The following AFAP1L2 variants were observed in gnomAD, a reference collection of about 807,000 sequenced individuals.
The protein encoded by AFAP1L2 is actin filament associated protein 1 like 2, also known as actin filament-associated protein 1-like 2.
AFAP1L2 carries 46 observed loss-of-function variants against 99.3 expected under a neutral mutation model. The ratio of observed to expected loss-of-function variants is 0.46; its 90% confidence interval spans 0.37 to 0.59. The LOEUF is 0.59. Ranked by LOEUF, AFAP1L2 falls within the 20% of genes least tolerant of loss-of-function variation. AFAP1L2 has a pLI of 0.00. For missense variants in AFAP1L2, 959 were observed against 1,034.9 expected (o/e 0.93, Z 1.01); for synonymous variants, 397 against 419.1 (o/e 0.95, Z 0.64).
intron 5 of AFAP1L2, among the ~76,000 whole-genome samples, chr10:114,321,850 C>T (rs2135159184): frequency 6.6e-6 from 1 of 152,318 alleles, no homozygotes; most frequent in East Asian, 1.9e-4. Context: ...TAGCATGAGC[C>T]CTGCCTACAG....
At position 114,331,908 on chromosome 10, in the gene AFAP1L2, C is replaced by T. The variant is rs763220616; in HGVS notation, c.221-11G>A. 2 of 1,291,412 alleles carry T rather than the reference C, an allele frequency of 1.5e-6. No individual in the cohort carries two copies. Among genetic ancestry groups the T allele is most frequent in the Non-Finnish European group, 2.0e-6 (2 of 1,010,368 alleles). The allele number at this position is 1,291,412 out of a possible 1,614,324, so 80.0% of individuals were successfully genotyped here. On this transcript the variant is annotated splice_polypyrimidine_tract_variant and intron_variant, in intron 3 of 18. Coordinates refer to ENST00000304129, the MANE Select transcript of AFAP1L2 (RefSeq NM_001001936.3). ...CCTGCTCCTCAGGCGCTGCGGGCAGCAAAAGGAAAAGGCTTCGGTGAGGGG... is the reference window on the plus strand; with the variant it reads ...CCTGCTCCTCAGGCGCTGCGGGCAGTAAAAGGAAAAGGCTTCGGTGAGGGG...
intron 5 of AFAP1L2, among the ~76,000 whole-genome samples, chr10:114,317,564 TAAAA>T (rs1195944951): frequency 6.6e-6 from 1 of 152,126 alleles, no homozygotes; most frequent in Non-Finnish European, 1.5e-5. Context: ...ACTAGTTTTT[TAAAA>T]AGAGAAGGGG....
chr10:114,361,439 C>T (rs1369330546), intron 1 of AFAP1L2, among the ~76,000 whole-genome samples: 3 of 152,150 alleles, frequency 2.0e-5, no homozygotes, highest in Non-Finnish European at 4.4e-5. Context: ...GAGATTGTTC[C>T]CAAACTCCGG....
intron 1 of AFAP1L2, among the ~76,000 whole-genome samples, chr10:114,354,808 C>T (rs930735931): frequency 5.3e-5 from 8 of 152,188 alleles, no homozygotes; most frequent in African/African-American, 1.4e-4. Flanking sequence ...GCTAGGGTCC[C>T]TAGGTCCAGC....
Position 114,299,373 on chromosome 10 carries a change from C to G in AFAP1L2, c.2000G>C (p.Arg667Pro). The change falls in exon 16 of 19, where the codon CGG becomes CCG. Residue 667 changes from arginine (R) to proline (P), a missense_variant. Arg to Pro is a moderately radical substitution (Grantham distance 103). Coordinates refer to ENST00000304129, the MANE Select transcript of AFAP1L2 (RefSeq NM_001001936.3). ...GKNRTEAEVK[R>P]YTEEKERLEK... ...AAGCCTCTCCTTCTCCTCTGTGTAC[C>G]GCTTCACCTCAGCTTCTGTCCGATT... is the stretch of plus-strand genomic sequence containing the variant. 1.2e-6 allele frequency: 2 copies of G among 1,614,178 alleles called. No homozygotes were observed. Among genetic ancestry groups the G allele is most frequent in the Non-Finnish European group, 1.7e-6 (2 of 1,180,030 alleles).
chr10:114,363,121 C>T (rs2052681285), intron 1 of AFAP1L2: 1 of 985,306 alleles, frequency 1.0e-6, no homozygotes, highest in Non-Finnish European at 1.2e-6. Flanking sequence ...GCGTCGTCAT[C>T]TTGCAGGAGC....
At chr10:114,301,529 C>G (rs1564790876) in intron 12 of AFAP1L2, 64 bp from the exon 13 acceptor site, 8 of 1,218,478 alleles carry the variant, frequency 6.6e-6, no homozygotes, top group Non-Finnish European at 9.7e-6. Flanking sequence ...GCACCAGACT[C>G]CAAGGATTCC....
chr10:114,342,394 C>T (rs2048944712), intron 1 of AFAP1L2, among the ~76,000 whole-genome samples: 1 of 152,224 alleles, frequency 6.6e-6, no homozygotes, highest in African/African-American at 2.4e-5. Flanking sequence ...ATCCATGTTA[C>T]CAGCACTGGC....
intron 1 of AFAP1L2, among the ~76,000 whole-genome samples, chr10:114,346,326 G>A (rs143873478): frequency 3.9e-5 from 6 of 152,294 alleles, no homozygotes; most frequent in South Asian, 2.1e-4. Flanking sequence ...GCGCATAGTC[G>A]TCTGGGTGTG....
At chr10:114,381,963 A>T (rs1435546811) in intron 1 of AFAP1L2, among the ~76,000 whole-genome samples, 1 of 152,198 alleles carries the variant, frequency 6.6e-6, no homozygotes, top group African/African-American at 2.4e-5. Context: ...AAGAGATCCC[A>T]TAAAGAGATA....
intron 2 of AFAP1L2, among the ~76,000 whole-genome samples, chr10:114,335,376 G>T (rs2047793377): frequency 6.6e-6 from 1 of 152,014 alleles, no homozygotes; most frequent in Non-Finnish European, 1.5e-5. Flanking sequence ...ACTTTGGGAG[G>T]CCAAGGTGGG....
chr10:114,305,316 T>G, intron 10 of AFAP1L2, among the ~76,000 whole-genome samples: 1 of 139,250 alleles, frequency 7.2e-6, no homozygotes, highest in Non-Finnish European at 1.5e-5. Context: ...GGGACGGAGC[T>G]GCAGGAGGGG....
intron 1 of AFAP1L2, among the ~76,000 whole-genome samples, chr10:114,390,871 G>A (rs926152463): frequency 4.6e-5 from 7 of 152,172 alleles, no homozygotes; most frequent in Non-Finnish European, 1.5e-5. Flanking sequence ...CTACTGGGTG[G>A]TGGTTTTGGT....
chr10:114,283,682 C>A, the AFAP1L2 span, among the ~76,000 whole-genome samples: 1 of 152,168 alleles, frequency 6.6e-6, no homozygotes, highest in East Asian at 1.9e-4. Flanking sequence ...TAGTTCCTAC[C>A]TAAGGTTGTG....
intron 1 of AFAP1L2, among the ~76,000 whole-genome samples, chr10:114,381,019 T>C (rs1227848847): frequency 6.6e-6 from 1 of 152,186 alleles, no homozygotes; most frequent in Non-Finnish European, 1.5e-5. Context: ...TGTGTGTGTA[T>C]CTCACACCCA....
chr10:114,353,210 T>C (rs74157588), intron 1 of AFAP1L2, among the ~76,000 whole-genome samples: 5,124 of 152,268 alleles, frequency 0.034, 142 homozygotes, highest in African/African-American at 0.08. Flanking sequence ...GCTGCTAGAA[T>C]GTTGGCCTGA....
chr10:114,398,258 A>G (rs1433173557), intron 1 of AFAP1L2, among the ~76,000 whole-genome samples: 2 of 152,082 alleles, frequency 1.3e-5, no homozygotes, highest in African/African-American at 4.8e-5. Flanking sequence ...ATCAGAGAAA[A>G]GTCAGGCAGG....
intron 12 of AFAP1L2, chr10:114,302,127 C>T (rs1564792862): frequency 1.5e-6 from 1 of 665,210 alleles, no homozygotes. Context: ...CCCCCGGGGC[C>T]CGAAGCCTGG....
At chr10:114,332,444 C>T (rs554511133) in intron 3 of AFAP1L2, among the ~76,000 whole-genome samples, 8 of 152,222 alleles carry the variant, frequency 5.3e-5, no homozygotes, top group Non-Finnish European at 1.0e-4. Flanking sequence ...TTTCAGCCAG[C>T]CCTGGGACAG....
Sources: gnomAD v4.1 joint callset for allele counts (sites outside exome capture counted in the v4.1 genomes callset) on GRCh38, gnomAD v4.1.1 for gene constraint, MANE v1.5 for transcripts, NCBI Gene and HGNC (gene_info 2026-07-23, HGNC 2026-07-21) for gene names.